EDIL3: variants seen among roughly 807,000 people sequenced by gnomAD.
EDIL3 encodes the protein EGF like and discoidin domains 3, also known as EGF-like repeat and discoidin I-like domain-containing protein 3.
In EDIL3, 37 loss-of-function variants were observed where a neutral mutation model predicts 67.4. That is an observed-to-expected ratio of 0.55 (90% confidence interval 0.42 to 0.72). The LOEUF (loss-of-function observed/expected upper bound fraction) is 0.72, where lower values mean the gene tolerates loss of function less well. Ranked by LOEUF, EDIL3 falls within the 30% of genes least tolerant of loss-of-function variation. EDIL3 has a pLI of 0.00. For missense variants in EDIL3, 527 were observed against 586.3 expected, an observed-to-expected ratio of 0.90 and a Z score of 1.04; for synonymous variants, 195 against 196.3, an observed-to-expected ratio of 0.99 and a Z score of 0.05.
intron 9 of EDIL3, among the ~76,000 whole-genome samples, chr5:84,043,411 A>C (rs1459781858): frequency 6.6e-6 from 1 of 152,224 alleles, no homozygotes; most frequent in Non-Finnish European, 1.5e-5. Flanking sequence ...ATGAACAAAA[A>C]ATTGATGAAA....
intron 1 of EDIL3, among the ~76,000 whole-genome samples, chr5:84,307,346 G>A (rs1746292993): frequency 6.6e-6 from 1 of 152,130 alleles, no homozygotes. Flanking sequence ...GAAGTGTGGT[G>A]CTGAGGTAAT....
chr5:84,309,548 G>A (rs1169706483), intron 1 of EDIL3, among the ~76,000 whole-genome samples: 2 of 148,826 alleles, frequency 1.3e-5, no homozygotes, highest in African/African-American at 5.0e-5. Context: ...CTGTGTCCAT[G>A]TGTTCTCATT....
chr5:84,245,963 T>G (rs1333398297), intron 2 of EDIL3, among the ~76,000 whole-genome samples: 12 of 152,076 alleles, frequency 7.9e-5, no homozygotes, highest in Admixed American at 7.9e-4. Context: ...GATTTTACCT[T>G]TTTACTCCTT....
chr5:84,371,381 G>GTA (rs1029495328), intron 1 of EDIL3, among the ~76,000 whole-genome samples: 101 of 143,976 alleles, frequency 7.0e-4, no homozygotes, highest in African/African-American at 2.4e-3. Context: ...ATGTATGTGT[G>GTA]TATATATATG....
intron 9 of EDIL3, among the ~76,000 whole-genome samples, chr5:84,020,617 G>A (rs924667953): frequency 9.2e-5 from 14 of 151,366 alleles, no homozygotes; most frequent in South Asian, 6.3e-4. Context: ...CACCCCTCCC[G>A]CCGACACACA....
At position 84,384,320 on chromosome 5, in the gene EDIL3, G is replaced by C. The variant is rs753062473; in HGVS notation, c.55C>G (p.Gln19Glu). ...LLVGLSLGVP[Q>E]FGKGDICDPN... ...CCCGACGCCTTACCTTTGCCGAACT[G>C]GGGGACACCGAGGCTGAGCCCGACC... The change falls in exon 1 of 11, where the codon CAG (glutamine) becomes GAG (glutamate). Residue 19 changes from glutamine (Q) to glutamate (E), a missense_variant. Transcript: ENST00000296591. 1 of 1,610,768 alleles carries C rather than the reference G, an allele frequency of 6.2e-7. No homozygotes were observed. Among genetic ancestry groups the C allele is most frequent in the Non-Finnish European group, 8.5e-7 (1 of 1,178,606 alleles).
chr5:84,020,479 A>G (rs1745695084), intron 9 of EDIL3, among the ~76,000 whole-genome samples: 1 of 152,072 alleles, frequency 6.6e-6, no homozygotes. Context: ...ATTTCTAATC[A>G]AGGGAACACC....
At chr5:84,238,225 T>C (rs1744716409) in intron 2 of EDIL3, among the ~76,000 whole-genome samples, 1 of 152,124 alleles carries the variant, frequency 6.6e-6, no homozygotes. Context: ...CATGACTTTT[T>C]ACCATTTTAA....
intron 6 of EDIL3, among the ~76,000 whole-genome samples, chr5:84,069,733 G>A (rs761002647): frequency 4.6e-5 from 7 of 152,190 alleles, no homozygotes; most frequent in African/African-American, 7.2e-5. Flanking sequence ...CCTGGCGAGC[G>A]TTCCACCCTC....
At chr5:83,982,123 T>C (rs954051045) in intron 9 of EDIL3, among the ~76,000 whole-genome samples, 6 of 152,130 alleles carry the variant, frequency 3.9e-5, no homozygotes, top group Non-Finnish European at 4.4e-5. Context: ...TTTAAAGATT[T>C]CTTAAAACTA....
intron 9 of EDIL3, among the ~76,000 whole-genome samples, chr5:83,991,842 C>T (rs952301440): frequency 6.6e-6 from 1 of 152,104 alleles, no homozygotes; most frequent in Non-Finnish European, 1.5e-5. Context: ...ACCTATCTCC[C>T]TAAAGCTCCC....
At position 84,063,087 on chromosome 5, in the gene EDIL3, T is replaced by A. The variant is rs73769717; in HGVS notation, c.952+1613A>T. On this transcript the variant is annotated intron_variant, in intron 8 of 10. Coordinates refer to ENST00000296591, the MANE Select transcript of EDIL3 (RefSeq NM_005711.5). ...AAAATAAAACCTGTAAAGTGTCAGG[T>A]GCAATGTCTTGTCAAACTTGGGAGT... Among the ~76,000 whole-genome samples the A allele has an allele frequency of 6.7e-3, 1,017 of 152,220 alleles. 15 individuals are homozygous for A. Among genetic ancestry groups the A allele is most frequent in the African/African-American group, 0.024 (985 of 41,536 alleles).
At chr5:83,980,556 C>T (rs6898542) in intron 9 of EDIL3, among the ~76,000 whole-genome samples, 14,603 of 151,132 alleles carry the variant, frequency 0.097, 1,014 homozygotes, top group East Asian at 0.3. Context: ...GGCCTGGTGG[C>T]GCACACTTGC....
intron 1 of EDIL3, among the ~76,000 whole-genome samples, chr5:84,278,492 T>G (rs1745631921): frequency 6.6e-6 from 1 of 152,182 alleles, no homozygotes; most frequent in African/African-American, 2.4e-5. Context: ...ATTTCTGATC[T>G]TCTCATTTTC....
chr5:84,053,361 G>C (rs1225295867), intron 9 of EDIL3, among the ~76,000 whole-genome samples: 1 of 152,148 alleles, frequency 6.6e-6, no homozygotes, highest in African/African-American at 2.4e-5. Flanking sequence ...AAGCAGGAAA[G>C]ATCTAAAATT....
At chr5:84,323,234 T>C (rs549443434) in intron 1 of EDIL3, among the ~76,000 whole-genome samples, 1 of 152,156 alleles carries the variant, frequency 6.6e-6, no homozygotes, top group East Asian at 1.9e-4. Context: ...AGTGTATGTT[T>C]TGGGGCACAC....
chr5:84,232,942 A>G (rs1744612180), intron 2 of EDIL3, among the ~76,000 whole-genome samples: 1 of 152,178 alleles, frequency 6.6e-6, no homozygotes. Context: ...CGAAACAAGT[A>G]TCACAGAAGG....
intron 2 of EDIL3, among the ~76,000 whole-genome samples, chr5:84,246,922 C>G (rs1265481739): frequency 6.6e-6 from 1 of 152,090 alleles, no homozygotes; most frequent in Non-Finnish European, 1.5e-5. Context: ...ATAATATATG[C>G]AAAATTAGTA....
At chr5:84,101,599 T>C (rs886387477) in intron 6 of EDIL3, among the ~76,000 whole-genome samples, 2 of 152,000 alleles carry the variant, frequency 1.3e-5, no homozygotes, top group Non-Finnish European at 2.9e-5. Context: ...CCTGGAAATA[T>C]ACGCCCTCCC....
Sources: allele counts gnomAD v4.1 joint callset (sites outside exome capture counted in the v4.1 genomes callset), GRCh38; gene constraint gnomAD v4.1.1; transcripts MANE v1.5; gene names NCBI Gene and HGNC (gene_info 2026-07-23, HGNC 2026-07-21).